Variants in ANKRD45 observed in about 807,000 individuals in gnomAD.
ANKRD45 encodes ankyrin repeat domain 45.
Under a neutral mutation model 28.1 loss-of-function variants are expected in ANKRD45, and 21 were observed. That is an observed-to-expected ratio of 0.75 (90% CI 0.53 to 1.08). ANKRD45 has a LOEUF of 1.08. ANKRD45 is among the 50% of genes least tolerant of loss of function. The pLI, the probability that ANKRD45 is intolerant of heterozygous loss-of-function variation, is 0.00. For missense variants in ANKRD45, 261 were observed against 308.7 expected, an observed-to-expected ratio of 0.85 and a Z score of 1.16; for synonymous variants, 86 against 103.9, an observed-to-expected ratio of 0.83 and a Z score of 1.05.
At chr1:173,614,200 C>A (rs1320232479) in intron 5 of ANKRD45, among the ~76,000 whole-genome samples, 3 of 151,988 alleles carry the variant, frequency 2.0e-5, no homozygotes, top group Non-Finnish European at 4.4e-5. Flanking sequence ...TGCTGACCTT[C>A]CCTGCACTAT....
chr1:173,626,693 T>G (rs537143755), intron 4 of ANKRD45, among the ~76,000 whole-genome samples: 1 of 151,646 alleles, frequency 6.6e-6, no homozygotes, highest in African/African-American at 2.4e-5. Context: ...ATAGTTTTAC[T>G]CCCATATGTA....
At chr1:173,675,111 C>T in the ANKRD45 span, among the ~76,000 whole-genome samples, 4 of 151,900 alleles carry the variant, frequency 2.6e-5, no homozygotes, top group African/African-American at 4.8e-5. Flanking sequence ...CTCTGAAGTC[C>T]ATATATTAGT....
chr1:173,683,352 A>G, the ANKRD45 span, among the ~76,000 whole-genome samples: 2 of 152,218 alleles, frequency 1.3e-5, no homozygotes, highest in African/African-American at 2.4e-5. Context: ...CTCAAACTCC[A>G]TAAAGGAGTT....
intron 3 of ANKRD45, among the ~76,000 whole-genome samples, chr1:173,629,663 A>G (rs1377378026): frequency 1.3e-5 from 2 of 152,104 alleles, no homozygotes; most frequent in African/African-American, 4.8e-5. Context: ...TAAGATCTAG[A>G]AAATAGCCTC....
intron 2 of ANKRD45, among the ~76,000 whole-genome samples, chr1:173,649,362 A>C (rs1296533201): frequency 6.6e-6 from 1 of 152,170 alleles, no homozygotes; most frequent in Non-Finnish European, 1.5e-5. Context: ...CTACATCTTT[A>C]CCAATGTTTA....
chr1:173,672,957 G>A (rs1056064613), upstream of ANKRD45, among the ~76,000 whole-genome samples: 1 of 152,128 alleles, frequency 6.6e-6, no homozygotes, highest in Non-Finnish European at 1.5e-5. Context: ...AGCAGCAAAT[G>A]ATTAAGCACT....
chr1:173,702,028 G>T, the ANKRD45 span, among the ~76,000 whole-genome samples: 1 of 152,160 alleles, frequency 6.6e-6, no homozygotes, highest in Non-Finnish European at 1.5e-5. Flanking sequence ...CACAAAATAA[G>T]TTACAAAGTA....
At chr1:173,635,896 A>C in intron 3 of ANKRD45, 1 of 1,304,924 alleles carries the variant, frequency 7.7e-7, no homozygotes, top group Non-Finnish European at 1.0e-6. Flanking sequence ...AAGGGTTTAG[A>C]ACATAATATT....
intron 2 of ANKRD45, among the ~76,000 whole-genome samples, chr1:173,656,935 C>T (rs1381678634): frequency 6.7e-6 from 1 of 150,044 alleles, no homozygotes; most frequent in Non-Finnish European, 1.5e-5. Flanking sequence ...CCTGTAATCC[C>T]AGCACTTTGG....
At chr1:173,713,958 C>G in the ANKRD45 span, among the ~76,000 whole-genome samples, 1 of 152,168 alleles carries the variant, frequency 6.6e-6, no homozygotes, top group Admixed American at 6.5e-5. Flanking sequence ...TCATCTGTAT[C>G]TGGGCAGCAG....
the ANKRD45 span, among the ~76,000 whole-genome samples, chr1:173,704,971 A>AT: frequency 6.6e-6 from 1 of 152,254 alleles, no homozygotes; most frequent in South Asian, 2.1e-4. Context: ...CTTCAGAGTT[A>AT]TCCCAAGTAG....
the ANKRD45 span, among the ~76,000 whole-genome samples, chr1:173,705,808 T>C: frequency 6.6e-6 from 1 of 152,160 alleles, no homozygotes; most frequent in Non-Finnish European, 1.5e-5. Context: ...GGTCTCTCCT[T>C]TCCCCTGTAG....
chr1:173,703,549 G>C, the ANKRD45 span, among the ~76,000 whole-genome samples: 1 of 152,052 alleles, frequency 6.6e-6, no homozygotes, highest in Non-Finnish European at 1.5e-5. Flanking sequence ...CTCTACCTCA[G>C]GTCTCCTTTT....
the ANKRD45 span, among the ~76,000 whole-genome samples, chr1:173,689,657 G>A: frequency 1.3e-4 from 20 of 152,030 alleles, no homozygotes; most frequent in African/African-American, 2.4e-4. Flanking sequence ...TAGGCCCTTC[G>A]TCCTTTTCCT....
At chr1:173,711,829 G>A in the ANKRD45 span, among the ~76,000 whole-genome samples, 2 of 152,162 alleles carry the variant, frequency 1.3e-5, no homozygotes, top group African/African-American at 2.4e-5. Flanking sequence ...GATTCACACT[G>A]AACTTCTCCA....
intron 3 of ANKRD45, among the ~76,000 whole-genome samples, chr1:173,642,234 T>C (rs1195155947): frequency 6.6e-6 from 1 of 152,216 alleles, no homozygotes; most frequent in Non-Finnish European, 1.5e-5. Flanking sequence ...CCTCGTTAGC[T>C]CTTGTTATTG....
intron 1 of ANKRD45, chr1:173,669,427 C>G (rs544300232): frequency 7.4e-5 from 33 of 448,200 alleles, no homozygotes; most frequent in African/African-American, 6.6e-4. Context: ...GTCGCTTAAT[C>G]AAGTCCCAGC....
At chr1:173,713,055 T>C in the ANKRD45 span, among the ~76,000 whole-genome samples, 1 of 152,198 alleles carries the variant, frequency 6.6e-6, no homozygotes, top group African/African-American at 2.4e-5. Context: ...AAATGGAAGT[T>C]GCAAAAGAAT....
At chr1:173,674,864 T>TA in the ANKRD45 span, among the ~76,000 whole-genome samples, 1 of 152,182 alleles carries the variant, frequency 6.6e-6, no homozygotes. Context: ...CCCCACTTTT[T>TA]AAAAATTTTT....
Sources: allele counts gnomAD v4.1 joint callset (sites outside exome capture counted in the v4.1 genomes callset), GRCh38; gene constraint gnomAD v4.1.1; transcripts MANE v1.5; gene names NCBI Gene and HGNC (gene_info 2026-07-23, HGNC 2026-07-21).